Variants in SLC30A10 observed in about 807,000 individuals in gnomAD.
SLC30A10 encodes the protein calcium/manganese antiporter SLC30A10.
In SLC30A10, 8 loss-of-function variants were observed where a neutral mutation model predicts 21.7. That is an observed-to-expected ratio of 0.37 (90% CI 0.22 to 0.67). The LOEUF (loss-of-function observed/expected upper bound fraction) is 0.67, where lower values mean the gene tolerates loss of function less well. Among genes scored for constraint, SLC30A10 ranks in the 30% least tolerant of loss-of-function variants. SLC30A10 has a pLI of 0.58. For synonymous variants in SLC30A10, 272 were observed against 279.4 expected (o/e 0.97, Z 0.26); for missense variants, 521 against 642.5 (o/e 0.81, Z 2.04).
In SLC30A10 at chr1:219,939,915, G is replaced by A. The variant is rs557719963; in HGVS notation, n.81-12810C>T. On this transcript the variant is annotated intron_variant and non_coding_transcript_variant, in intron 1 of 8. Coordinates refer to the SLC30A10 transcript ENST00000484239. ...TCTTAGGGAGGAGTGAGAGTCTTTT[G>A]CATGTGGAAGTGATGAGAATCATAG... Among the ~76,000 whole-genome samples, 3 of 152,296 alleles carry A rather than the reference G, an allele frequency of 2.0e-5. No individual in the cohort carries two copies. The South Asian group carries it at 6.2e-4, about 32-fold the overall frequency.
chr1:219,928,449 C>A lies in SLC30A10; in HGVS notation c.-9G>T, dbSNP rs1659903297. The A allele has an allele frequency of 1.9e-6, 3 of 1,597,504 alleles. No homozygotes were observed. The highest frequency in any genetic ancestry group is 2.7e-5 in the African/African-American group (2 of 74,250). On this transcript the variant is annotated 5_prime_UTR_variant, in exon 1 of 4. Transcript: ENST00000366926. The surrounding 1 kb of genome is among the most constrained non-coding windows in gnomAD (Gnocchi z 6.3). ...CCAGAGTAGCGGCCCATCTCGCCAC[C>A]AGCCCCGGGCGCCCGGCGCCGCCCA...
Position 219,927,962 on chromosome 1 carries a change from T to C in SLC30A10, c.479A>G (p.Glu160Gly), listed in dbSNP as rs1259728155. Residue 160 changes from glutamate (E) to glycine (G), a missense_variant, in exon 1 of 4, where the codon GAG becomes GGG. Physicochemically the swap from Glu to Gly is moderately conservative, Grantham distance 98. Transcript: ENST00000366926. Reference sequence around the variant, plus strand: ...CCCGAAAGCGCCGGGGACACAGCCCTCCGCCAGCTGCTGCCGCTGCTGCAG... The same window carrying C: ...CCCGAAAGCGCCGGGGACACAGCCCCCCGCCAGCTGCTGCCGCTGCTGCAG... Reference protein sequence around the residue: ...RRLQQRQQLAEGCVPGAFGGP... With the variant: ...RRLQQRQQLAGGCVPGAFGGP... 2 of 1,546,236 alleles carry C rather than the reference T, an allele frequency of 1.3e-6. No individual in the cohort carries two copies. The highest frequency in any genetic ancestry group is 1.7e-6 in the Non-Finnish European group (2 of 1,145,558).
chr1:219,937,376 G>GA (rs1381773261), intron 1 of SLC30A10, among the ~76,000 whole-genome samples: 3 of 151,676 alleles, frequency 2.0e-5, no homozygotes, highest in Admixed American at 6.6e-5. Context: ...ATTTAGTTCA[G>GA]AAAAAAAATC....
intron 1 of SLC30A10, among the ~76,000 whole-genome samples, chr1:219,952,793 GA>G (rs930493194): frequency 8.5e-4 from 129 of 150,958 alleles, no homozygotes; most frequent in Non-Finnish European, 1.2e-3. Flanking sequence ...CTGCACATTG[GA>G]AAAAAAAATT....
In SLC30A10 at chr1:219,918,193, G is replaced by C; in HGVS notation, c.958+62C>G. The C allele has an allele frequency of 6.4e-7, 1 of 1,573,616 alleles. No individual in the cohort carries two copies. Among genetic ancestry groups the C allele is most frequent in the African/African-American group, 1.4e-5 (1 of 73,968 alleles). On this transcript the variant is annotated intron_variant, in intron 3 of 3. Transcript: ENST00000366926. This position sits in a 1 kb window ranked among gnomAD's most constrained non-coding sequence, Gnocchi z 4.4. Reference sequence around the variant, plus strand: ...CAAACACTGCTCTTAAATAATGCTTGTCCTTTGGCCTGAATAACATTAAAT... The same window carrying C: ...CAAACACTGCTCTTAAATAATGCTTCTCCTTTGGCCTGAATAACATTAAAT...
chr1:219,955,202 C>T (rs1470968845), intron 1 of SLC30A10, among the ~76,000 whole-genome samples: 1 of 152,174 alleles, frequency 6.6e-6, no homozygotes, highest in Non-Finnish European at 1.5e-5. Context: ...CTACTCCCTT[C>T]CCCGAAACAC....
chr1:219,940,152 C>G (rs1660102186), intron 1 of SLC30A10, among the ~76,000 whole-genome samples: 1 of 152,214 alleles, frequency 6.6e-6, no homozygotes, highest in Non-Finnish European at 1.5e-5. Flanking sequence ...AATGGAGCTT[C>G]TACCTTGTTT....
intron 2 of SLC30A10, among the ~76,000 whole-genome samples, chr1:219,919,233 C>A (rs1659617991): frequency 1.3e-5 from 2 of 152,096 alleles, no homozygotes; most frequent in South Asian, 4.1e-4. Flanking sequence ...TAGCCAAAGA[C>A]TAAATTGGGA....
intron 1 of SLC30A10, among the ~76,000 whole-genome samples, chr1:219,935,603 G>A (rs1660035455): frequency 6.6e-6 from 1 of 152,176 alleles, no homozygotes; most frequent in African/African-American, 2.4e-5. Flanking sequence ...AGATATAGAG[G>A]TATCACTCTC....
In SLC30A10 at chr1:219,927,016, A is replaced by G. The variant is rs1365726842; in HGVS notation, c.718+12T>C. On this transcript the variant is annotated intron_variant, in intron 2 of 3. Transcript: ENST00000366926. ...AGAAAGGGATTTCAAATAGGCCCAA[A>G]GTCAATCCTACCTCTGATATTCAGA... The G allele has an allele frequency of 1.9e-6, 3 of 1,600,738 alleles. No homozygotes were observed. The African/African-American group carries it at 4.0e-5, about 21-fold the overall frequency.
chr1:219,928,496 G>T lies in SLC30A10; in HGVS notation c.-56C>A. On this transcript the variant is annotated 5_prime_UTR_variant, in exon 1 of 4. Transcript: ENST00000366926. This position sits in a 1 kb window ranked among gnomAD's most constrained non-coding sequence, Gnocchi z 6.3. Reference sequence around the variant, plus strand: ...CCCAGGGGAGCGCAGCCCACCCCGCGCGCAGCCACAGGTGGGGGGCGCGGC... The same window carrying T: ...CCCAGGGGAGCGCAGCCCACCCCGCTCGCAGCCACAGGTGGGGGGCGCGGC... 6.9e-7 allele frequency: 1 copy of T among 1,443,612 alleles called. No homozygotes were observed. Among genetic ancestry groups the T allele is most frequent in the South Asian group, 1.5e-5 (1 of 67,826 alleles). The allele number at this position is 1,443,612 out of a possible 1,614,324, so 89.4% of individuals were successfully genotyped here.
intron 1 of SLC30A10, among the ~76,000 whole-genome samples, chr1:219,938,036 A>AT (rs1660070012): frequency 6.6e-6 from 1 of 151,374 alleles, no homozygotes; most frequent in African/African-American, 2.4e-5. Context: ...TCTTCAATGT[A>AT]TTTTTTCTTC....
intron 2 of SLC30A10, among the ~76,000 whole-genome samples, chr1:219,924,548 C>T (rs1330824453): frequency 6.6e-6 from 1 of 152,208 alleles, no homozygotes; most frequent in Non-Finnish European, 1.5e-5. Context: ...CAGCCTCACA[C>T]TTAGCCGGGA....
At chr1:219,923,973 G>A (rs1307023493) in intron 2 of SLC30A10, among the ~76,000 whole-genome samples, 8 of 152,218 alleles carry the variant, frequency 5.3e-5, no homozygotes, top group Non-Finnish European at 1.2e-4. Context: ...TGAGGCAGGA[G>A]AATCGCTTGA....
chr1:219,938,613 A>G (rs1306912429), intron 1 of SLC30A10, among the ~76,000 whole-genome samples: 2 of 152,346 alleles, frequency 1.3e-5, no homozygotes, highest in South Asian at 2.1e-4. Context: ...CTTTGCCACT[A>G]CATGTCTAAG....
intron 1 of SLC30A10, 103 bp from the exon 2 acceptor site, chr1:219,927,208 A>G: frequency 8.4e-7 from 1 of 1,192,934 alleles, no homozygotes; most frequent in East Asian, 2.5e-5. Flanking sequence ...AATTTCTACT[A>G]GCTTAAGGGA....
At chr1:219,948,150 T>G (rs866571527) in intron 1 of SLC30A10, among the ~76,000 whole-genome samples, 4 of 151,036 alleles carry the variant, frequency 2.6e-5, no homozygotes, top group Non-Finnish European at 5.9e-5. Context: ...TGCTCATGGG[T>G]AGGAAGAATC....
Position 219,928,539 on chromosome 1 carries a change from G to T in SLC30A10, c.-99C>A. On this transcript the variant is annotated 5_prime_UTR_variant, in exon 1 of 4. Transcript: ENST00000366926. The surrounding 1 kb of genome is among the most constrained non-coding windows in gnomAD (Gnocchi z 6.3). ...GGCGCGGCGCGGATCCGTGAGGCCC[G>T]GTACCCGCCTCCCAGATTGTCTCGC... is the stretch of plus-strand genomic sequence containing the variant. 8.7e-7 allele frequency: 1 copy of T among 1,154,530 alleles called. No individual in the cohort carries two copies. The highest frequency in any genetic ancestry group is 1.1e-6 in the Non-Finnish European group (1 of 870,978). 71.5% of individuals were successfully genotyped at this position (1,154,530 alleles called of 1,614,324 possible).
At chr1:219,933,009 C>T (rs7533019), upstream of SLC30A10, among the ~76,000 whole-genome samples, 292 of 150,826 alleles carry the variant, frequency 1.9e-3, no homozygotes, top group Middle Eastern at 6.8e-3. Flanking sequence ...TGCAGTGAGC[C>T]GAGATCCTGC....
Sources: allele counts gnomAD v4.1 joint callset (sites outside exome capture counted in the v4.1 genomes callset), GRCh38; gene constraint gnomAD v4.1.1; non-coding constraint Gnocchi (gnomAD v3.1); transcripts MANE v1.5; gene names NCBI Gene and HGNC (gene_info 2026-07-23, HGNC 2026-07-21).